DCLK1: variants seen among roughly 807,000 people sequenced by gnomAD.
DCLK1 encodes doublecortin like kinase 1.
In DCLK1, 16 loss-of-function variants were observed where a neutral mutation model predicts 86.2. The ratio of observed to expected loss-of-function variants is 0.19; its 90% CI spans 0.13 to 0.28. The LOEUF (loss-of-function observed/expected upper bound fraction) is 0.28. Ranked by LOEUF, DCLK1 falls within the 10% of genes least tolerant of loss-of-function variation. DCLK1 has a pLI of 1.00. For synonymous variants in DCLK1, 369 were observed against 370.5 expected (o/e 1.00, Z 0.05); for missense variants, 590 against 940.2 (o/e 0.63, Z 4.87).
At chr13:36,108,188 C>A (rs1346568281) in intron 3 of DCLK1, among the ~76,000 whole-genome samples, 1 of 152,100 alleles carries the variant, frequency 6.6e-6, no homozygotes, top group Non-Finnish European at 1.5e-5. Context: ...CTGAAAGTTG[C>A]AAGGAAGAGG....
chr13:36,082,493 T>C (rs781696580), intron 3 of DCLK1, among the ~76,000 whole-genome samples: 1 of 152,196 alleles, frequency 6.6e-6, no homozygotes, highest in African/African-American at 2.4e-5. Flanking sequence ...GGGAGGTTGA[T>C]TCCTCTAATC....
At chr13:35,872,765 C>T (rs1872359755) in intron 4 of DCLK1, among the ~76,000 whole-genome samples, 1 of 152,256 alleles carries the variant, frequency 6.6e-6, no homozygotes, top group Admixed American at 6.5e-5. Context: ...CTTTCCCCTT[C>T]AATATCACTA....
At chr13:36,050,954 G>T (rs534514795) in intron 3 of DCLK1, among the ~76,000 whole-genome samples, 1 of 152,242 alleles carries the variant, frequency 6.6e-6, no homozygotes, top group Non-Finnish European at 1.5e-5. Flanking sequence ...AACTTGGCCT[G>T]TAAGCCCAGT....
chr13:36,126,185 C>T, intron 1 of DCLK1, 29 bp from the exon 2 acceptor site: 1 of 1,519,206 alleles, frequency 6.6e-7, no homozygotes, highest in Non-Finnish European at 8.8e-7. Context: ...AAAGCAGACA[C>T]ACATATTGAT....
intron 15 of DCLK1, among the ~76,000 whole-genome samples, chr13:35,800,637 C>T (rs773731964): frequency 6.6e-5 from 10 of 152,118 alleles, no homozygotes; most frequent in Non-Finnish European, 1.3e-4. Context: ...GTGACTTTTG[C>T]GGAGTAGGTT....
At chr13:35,930,175 C>T (rs1333013793) in intron 4 of DCLK1, among the ~76,000 whole-genome samples, 1 of 152,082 alleles carries the variant, frequency 6.6e-6, no homozygotes, top group African/African-American at 2.4e-5. Flanking sequence ...TTGTTTAAAC[C>T]CTGAAGTAGA....
At chr13:35,984,897 GCACACACACACACA>G (rs10598942) in intron 3 of DCLK1, among the ~76,000 whole-genome samples, 1 of 148,254 alleles carries the variant, frequency 6.7e-6, no homozygotes, top group African/African-American at 2.5e-5. Context: ...GCGTGCGCAT[GCACACACACACACA>G]CACACACACA....
At chr13:36,115,523 C>CTTGT (rs558983253) in intron 2 of DCLK1, among the ~76,000 whole-genome samples, 167 of 151,986 alleles carry the variant, frequency 1.1e-3, no homozygotes, top group Non-Finnish European at 2.2e-3. Context: ...ACCAGTTTTT[C>CTTGT]TTGTTTGTTT....
intron 4 of DCLK1, among the ~76,000 whole-genome samples, chr13:35,873,247 A>C (rs1007364096): frequency 1.3e-5 from 2 of 151,920 alleles, no homozygotes; most frequent in African/African-American, 4.8e-5. Context: ...GCAGTGAGCC[A>C]AGATCCCAAA....
At chr13:36,052,794 A>G (rs2153157481) in intron 3 of DCLK1, among the ~76,000 whole-genome samples, 1 of 152,284 alleles carries the variant, frequency 6.6e-6, no homozygotes, top group Non-Finnish European at 1.5e-5. Flanking sequence ...ATGAGTGCAT[A>G]TGCACACAGA....
intron 3 of DCLK1, among the ~76,000 whole-genome samples, chr13:36,018,372 T>A (rs1233179077): frequency 1.3e-5 from 2 of 152,246 alleles, no homozygotes; most frequent in Non-Finnish European, 2.9e-5. Context: ...AATTCATAAG[T>A]TAATTTTCTT....
At chr13:36,067,733 G>T (rs1277625902) in intron 3 of DCLK1, among the ~76,000 whole-genome samples, 3 of 152,040 alleles carry the variant, frequency 2.0e-5, no homozygotes, top group East Asian at 3.9e-4. Context: ...TGCTGCCACT[G>T]AAATGCCAGG....
intron 3 of DCLK1, among the ~76,000 whole-genome samples, chr13:36,051,063 T>G (rs1312533463): frequency 1.3e-5 from 2 of 152,178 alleles, no homozygotes; most frequent in African/African-American, 4.8e-5. Context: ...AACACTAAAG[T>G]GCTTAAGGGC....
intron 3 of DCLK1, among the ~76,000 whole-genome samples, chr13:36,054,693 G>A (rs1883240524): frequency 6.6e-6 from 1 of 152,144 alleles, no homozygotes; most frequent in Non-Finnish European, 1.5e-5. Context: ...AATGTGAGCA[G>A]AGACCTGAAA....
chr13:35,937,183 C>T (rs1485140777), intron 4 of DCLK1, among the ~76,000 whole-genome samples: 1 of 151,624 alleles, frequency 6.6e-6, no homozygotes, highest in Non-Finnish European at 1.5e-5. Flanking sequence ...TTGTGCTGGC[C>T]AGAATGGTCT....
intron 3 of DCLK1, among the ~76,000 whole-genome samples, chr13:35,956,809 C>T (rs1442273388): frequency 6.6e-6 from 1 of 152,136 alleles, no homozygotes; most frequent in Non-Finnish European, 1.5e-5. Context: ...TCCCACATTA[C>T]TTTCTCTAAA....
intron 3 of DCLK1, among the ~76,000 whole-genome samples, chr13:36,081,279 A>C (rs1189858038): frequency 6.6e-6 from 1 of 152,152 alleles, no homozygotes; most frequent in African/African-American, 2.4e-5. Context: ...CATCTCATTA[A>C]ATACTGTCTA....
intron 3 of DCLK1, among the ~76,000 whole-genome samples, chr13:36,028,266 G>C: frequency 6.6e-6 from 1 of 152,182 alleles, no homozygotes; most frequent in East Asian, 1.9e-4. Context: ...CAACTGCATA[G>C]TGGAATTATA....
chr13:35,889,608 T>C (rs1873511206), intron 4 of DCLK1, among the ~76,000 whole-genome samples: 1 of 152,208 alleles, frequency 6.6e-6, no homozygotes, highest in Non-Finnish European at 1.5e-5. Context: ...GAAGACATTC[T>C]GTAATTCTGA....
Sources: allele counts gnomAD v4.1 joint callset (sites outside exome capture counted in the v4.1 genomes callset), GRCh38; gene constraint gnomAD v4.1.1; transcripts MANE v1.5; gene names NCBI Gene and HGNC (gene_info 2026-07-23, HGNC 2026-07-21).